VPS13C: variants seen among roughly 807,000 people sequenced by gnomAD.
VPS13C encodes the protein intermembrane lipid transfer protein VPS13C.
A neutral mutation model predicts 456.8 loss-of-function variants in VPS13C; 358 were observed. The observed-to-expected ratio is 0.78, with a 90% confidence interval of 0.72 to 0.86. The LOEUF is 0.86. Ranked by LOEUF, VPS13C falls within the 40% of genes least tolerant of loss-of-function variation. VPS13C has a pLI of 0.00. For synonymous variants in VPS13C, 1,578 were observed against 1,486.7 expected, an observed-to-expected ratio of 1.06 and a Z score of -1.41; for missense variants, 4,818 against 4,385.4, an observed-to-expected ratio of 1.10 and a Z score of -2.79.
At chr15:62,021,985 C>T (rs1178427462) in intron 8 of VPS13C, among the ~76,000 whole-genome samples, 1 of 151,790 alleles carries the variant, frequency 6.6e-6, no homozygotes, top group African/African-American at 2.4e-5. Flanking sequence ...AAAGAATTTC[C>T]TTCATTTTAA....
chr15:61,897,033 C>T (rs2042843794), intron 66 of VPS13C, among the ~76,000 whole-genome samples: 1 of 152,046 alleles, frequency 6.6e-6, no homozygotes, highest in Non-Finnish European at 1.5e-5. Flanking sequence ...AGACCTGCAG[C>T]TGAGGGTCCT....
chr15:61,965,054 CA>C (rs1040484807), intron 30 of VPS13C, among the ~76,000 whole-genome samples, 193 bp from the exon 31 acceptor site: 1 of 151,876 alleles, frequency 6.6e-6, no homozygotes, highest in African/African-American at 2.4e-5. Context: ...TTATACACTT[CA>C]GGGGTACATC....
chr15:61,980,356 G>A (rs8039658), intron 22 of VPS13C, among the ~76,000 whole-genome samples: 225 of 152,226 alleles, frequency 1.5e-3, no homozygotes, highest in African/African-American at 5.2e-3. Flanking sequence ...AACAGTTTTT[G>A]GGGATGCTCC....
At chr15:61,894,433 G>A (rs982874069) in intron 66 of VPS13C, among the ~76,000 whole-genome samples, 87 of 152,032 alleles carry the variant, frequency 5.7e-4, no homozygotes, top group African/African-American at 2.0e-3. Context: ...TAGAAATGGA[G>A]TGGCTGGGTA....
intron 22 of VPS13C, 83 bp from the exon 23 acceptor site, chr15:61,978,832 TG>T: frequency 7.2e-7 from 1 of 1,388,612 alleles, no homozygotes; most frequent in Non-Finnish European, 9.6e-7. Flanking sequence ...GTTTCAGTCT[TG>T]CATTTAGTTA....
chr15:62,013,594 G>A (rs765558974), intron 10 of VPS13C, among the ~76,000 whole-genome samples: 4 of 151,912 alleles, frequency 2.6e-5, no homozygotes, highest in East Asian at 1.9e-4. Flanking sequence ...AAAATGAAAC[G>A]TATCTGTTTA....
chr15:61,897,508 G>C (rs903018933), intron 66 of VPS13C, among the ~76,000 whole-genome samples: 2 of 152,194 alleles, frequency 1.3e-5, no homozygotes, highest in African/African-American at 2.4e-5. Context: ...ATCAGCGATG[G>C]AAGATGAAAT....
intron 15 of VPS13C, among the ~76,000 whole-genome samples, chr15:62,006,674 C>T (rs549670284): frequency 2.0e-5 from 3 of 152,276 alleles, no homozygotes; most frequent in South Asian, 2.1e-4. Context: ...CCTGAGGAAT[C>T]GCCACACTGA....
At chr15:62,048,875 T>C (rs2048521343) in intron 1 of VPS13C, among the ~76,000 whole-genome samples, 1 of 152,272 alleles carries the variant, frequency 6.6e-6, no homozygotes, top group African/African-American at 2.4e-5. Flanking sequence ...CATTTTTTCA[T>C]GTGTCTTTGG....
rs1342332061 is a variant in VPS13C, at chr15:61,869,720, C to T, written c.10625-97G>A. ...TGGGCCAGATACTGAACTGTTTTAC[C>T]CAGGAAGTTACAAAAATTTGGCTTT... On this transcript the variant is annotated intron_variant, in intron 79 of 84. Coordinates refer to ENST00000644861, the MANE Select transcript of VPS13C (RefSeq NM_020821.3). The T allele has an allele frequency of 4.6e-6, 7 of 1,531,262 alleles. No homozygotes were observed. The East Asian group carries it at 1.6e-4, about 35-fold the overall frequency. The allele number at this position is 1,531,262 out of a possible 1,614,324, so 94.9% of individuals were successfully genotyped here. A position where few individuals can be genotyped will look rare whatever the true frequency, so the allele number is the denominator to read the frequency against.
chr15:62,012,094 T>A lies in VPS13C; in HGVS notation c.883+13A>T, dbSNP rs184295855. 7.1e-7 allele frequency: 1 copy of A among 1,405,760 alleles called. No individual in the cohort carries two copies. The highest frequency in any genetic ancestry group is 1.0e-6 in the Non-Finnish European group (1 of 1,001,742). 87.1% of individuals were successfully genotyped at this position (1,405,760 alleles called of 1,614,324 possible). ...CTTCCTATAACATGAAATAAACTTT[T>A]ACTATTACTTACTGTATTGATAATT... On this transcript the variant is annotated intron_variant, in intron 12 of 84. Transcript: ENST00000644861.
At chr15:61,982,622 A>C in intron 20 of VPS13C, 49 bp from the exon 21 acceptor site, 2 of 1,365,548 alleles carry the variant, frequency 1.5e-6, no homozygotes, top group East Asian at 4.6e-5. Context: ...GGTTCTTTCC[A>C]TATTGTAAAC....
At chr15:61,921,816 T>C in intron 55 of VPS13C, 131 bp downstream of exon 55, 1 of 783,514 alleles carries the variant, frequency 1.3e-6, no homozygotes, top group Non-Finnish European at 2.0e-6. Flanking sequence ...AAAAGAGTTC[T>C]GACCTCATGG....
chr15:62,035,889 G>T (rs956949783), intron 3 of VPS13C, among the ~76,000 whole-genome samples: 1 of 151,956 alleles, frequency 6.6e-6, no homozygotes, highest in Non-Finnish European at 1.5e-5. Context: ...GGGGTTTTAT[G>T]GGGGAAAAGC....
Position 61,974,375 on chromosome 15 carries a change from A to G in VPS13C, c.2451T>C (p.Ile817=). The change falls in exon 25 of 85, where the codon ATT becomes ATC. Residue 817 remains isoleucine (I), a synonymous_variant. Transcript: ENST00000644861. ...SGGLPLMHVR[I]SDQKMKDVLY... ...GCACATCTTTCATCTTCTGGTCAGAAATTCTCACATGCATCAAAGGAAGTC... is the reference window on the plus strand; with the variant it reads ...GCACATCTTTCATCTTCTGGTCAGAGATTCTCACATGCATCAAAGGAAGTC... The G allele has an allele frequency of 6.2e-7, 1 of 1,612,796 alleles. No individual in the cohort carries two copies. The highest frequency in any genetic ancestry group is 8.5e-7 in the Non-Finnish European group (1 of 1,179,108).
In VPS13C at chr15:61,947,224, C is replaced by T. The variant is rs1456312716; in HGVS notation, c.4845G>A (p.Gln1615=). The change falls in exon 43 of 85, where the codon CAG becomes CAA. Residue 1615 remains glutamine, a synonymous_variant. Coordinates refer to ENST00000644861, the MANE Select transcript of VPS13C (RefSeq NM_020821.3). ...LNAFNVFVCD[Q]KCNIADIKIH... is the part of the protein sequence containing the mutation. ...TTTTAATATCTGCAATGTTACACTT[C>T]TGATCACAGACAAAGACATTAAATG... The T allele has an allele frequency of 3.1e-6, 5 of 1,604,754 alleles. No individual in the cohort carries two copies. Among genetic ancestry groups the T allele is most frequent in the Non-Finnish European group, 4.2e-6 (5 of 1,176,912 alleles).
At position 61,866,065 on chromosome 15, in the gene VPS13C, C is replaced by T. The variant is rs569548820; in HGVS notation, c.10864-2537G>A. On this transcript the variant is annotated intron_variant, in intron 81 of 84. Coordinates refer to ENST00000644861, the MANE Select transcript of VPS13C (RefSeq NM_020821.3). ...TACTCGGTCCCTTAAGGACAGAAGG[C>T]TTCTTTTGTATATCCAGTACAGTCT... is the stretch of plus-strand genomic sequence containing the variant. The T allele has an allele frequency of 7.1e-6, 7 of 984,506 alleles. No homozygotes were observed. The East Asian group carries it at 5.7e-4, about 80-fold the overall frequency. 61.0% of individuals were successfully genotyped at this position (984,506 alleles called of 1,614,324 possible).
At chr15:62,023,901 C>T in intron 6 of VPS13C, 56 bp from the exon 7 acceptor site, 1 of 1,495,892 alleles carries the variant, frequency 6.7e-7, no homozygotes, top group Non-Finnish European at 9.1e-7. Flanking sequence ...TAGCAGACTA[C>T]AGGACAGAAA....
intron 16 of VPS13C, among the ~76,000 whole-genome samples, chr15:62,000,206 AC>A (rs2046559818): frequency 6.6e-6 from 1 of 152,024 alleles, no homozygotes; most frequent in African/African-American, 2.4e-5. Context: ...TACTAAAACT[AC>A]AAAAAAAAAT....
Sources: gnomAD v4.1 joint callset for allele counts (sites outside exome capture counted in the v4.1 genomes callset) on GRCh38, gnomAD v4.1.1 for gene constraint, MANE v1.5 for transcripts, NCBI Gene and HGNC (gene_info 2026-07-23, HGNC 2026-07-21) for gene names.